CASP5: variants seen among roughly 807,000 people sequenced by gnomAD.
The protein encoded by CASP5 is caspase-5.
A neutral mutation model predicts 45.2 loss-of-function variants in CASP5; 42 were observed. That is an observed-to-expected ratio of 0.93 (90% CI 0.73 to 1.20). The LOEUF (loss-of-function observed/expected upper bound fraction) is 1.20. CASP5 is among the 50% of genes most tolerant of loss of function. CASP5 has a pLI of 0.00. For missense variants in CASP5, 512 were observed against 532.2 expected, an observed-to-expected ratio of 0.96 and a Z score of 0.37; for synonymous variants, 209 against 186.2, an observed-to-expected ratio of 1.12 and a Z score of -1.00.
intron 1 of CASP5, among the ~76,000 whole-genome samples, chr11:105,017,379 A>G (rs181155909): frequency 6.6e-6 from 1 of 152,328 alleles, no homozygotes; most frequent in African/African-American, 2.4e-5. Context: ...AGGACATTCA[A>G]CCAAAGGCAA....
chr11:104,998,749 G>C, intron 7 of CASP5, 136 bp downstream of exon 7: 2 of 811,220 alleles, frequency 2.5e-6, no homozygotes, highest in Non-Finnish European at 3.9e-6. Context: ...GCACACATAA[G>C]ATCATGCAAA....
rs546396346 is a variant in CASP5 at position 105,023,125 on chromosome 11, C to G, written c.7+5G>C. Reference sequence around the variant, plus strand: ...GCTGCTAGTCAGAAAAGGGCCCAGACTCACCAGCCATAGCTAACAGCCTCT... The same window carrying G: ...GCTGCTAGTCAGAAAAGGGCCCAGAGTCACCAGCCATAGCTAACAGCCTCT... On this transcript the variant is annotated splice_donor_5th_base_variant and intron_variant, in intron 1 of 9. Transcript: ENST00000260315. The G allele has an allele frequency of 3.2e-6, 5 of 1,551,092 alleles. No individual in the cohort carries two copies. The highest frequency in any genetic ancestry group is 1.2e-5 in the South Asian group (1 of 84,036).
At chr11:105,013,619 G>T (rs369672837) in intron 1 of CASP5, among the ~76,000 whole-genome samples, 2 of 151,998 alleles carry the variant, frequency 1.3e-5, no homozygotes, top group South Asian at 2.1e-4. Flanking sequence ...AATTCTCATA[G>T]CATCAATTAT....
At chr11:104,996,586 A>T (rs1292321035) in intron 8 of CASP5, among the ~76,000 whole-genome samples, 1 of 152,200 alleles carries the variant, frequency 6.6e-6, no homozygotes, top group Non-Finnish European at 1.5e-5. Flanking sequence ...TTCCCTTAAA[A>T]AGAGAAGGAA....
intron 3 of CASP5, 152 bp downstream of exon 3, chr11:105,006,931 A>G (rs1862025533): frequency 1.4e-6 from 1 of 718,160 alleles, no homozygotes. Context: ...CATAAAAGAC[A>G]AGGTGGTCTC....
Position 105,002,214 on chromosome 11 carries a change from G to A in CASP5, c.544-13C>T. 1.2e-6 allele frequency: 2 copies of A among 1,611,980 alleles called. No individual in the cohort carries two copies. The highest frequency in any genetic ancestry group is 1.1e-5 in the South Asian group (1 of 90,778). On this transcript the variant is annotated splice_polypyrimidine_tract_variant and intron_variant, in intron 4 of 9. Transcript: ENST00000260315. ...TTATTGGATAGATCTGCAGGAGATG[G>A]AGATGAAGCAACTTTGATTACCCGA...
intron 3 of CASP5, among the ~76,000 whole-genome samples, chr11:105,004,332 G>A (rs945675411): frequency 4.6e-5 from 7 of 152,060 alleles, no homozygotes; most frequent in Non-Finnish European, 1.0e-4. Flanking sequence ...CATCTGTTTT[G>A]GATAAGTTTG....
chr11:105,002,807 G>T (rs958280234), intron 4 of CASP5, among the ~76,000 whole-genome samples: 1 of 152,132 alleles, frequency 6.6e-6, no homozygotes, highest in Non-Finnish European at 1.5e-5. Flanking sequence ...ATGAGCACTG[G>T]TATTTGTTTG....
chr11:105,007,149 G>C lies in CASP5; in HGVS notation c.367C>G (p.Arg123Gly). The C allele has an allele frequency of 1.9e-6, 3 of 1,613,584 alleles. No individual in the cohort carries two copies. Among genetic ancestry groups the C allele is most frequent in the Non-Finnish European group, 2.5e-6 (3 of 1,179,562 alleles). ...TGGGTAAACATTTGATGAGCCACGCGATTCTTTCGCAAAGAGTCTACCAAG... is the reference window on the plus strand; with the variant it reads ...TGGGTAAACATTTGATGAGCCACGCCATTCTTTCGCAAAGAGTCTACCAAG... ...LILVDSLRKN[R>G]VAHQMFTQTL... is the part of the protein sequence containing the mutation. Residue 123 changes from arginine to glycine, a missense_variant, in exon 3 of 10, where the codon CGC becomes GGC. Coordinates refer to ENST00000260315, the MANE Select transcript of CASP5 (RefSeq NM_004347.5).
Position 105,019,533 on chromosome 11 carries a change from C to T in CASP5, c.7+3597G>A, listed in dbSNP as rs570615459. 8.1e-4 allele frequency among the ~76,000 whole-genome samples: 123 copies of T among 151,276 alleles called. No homozygotes were observed. In the East Asian group the frequency reaches 0.013, roughly 16 times the overall value. The stretch of plus-strand genomic sequence containing the variant: ...TCAGAGAATACTACAAACACCTCTA[C>T]GCAAATAAACTAGAAAATCTAGAAG... On this transcript the variant is annotated intron_variant, in intron 1 of 9. Coordinates refer to ENST00000260315, the MANE Select transcript of CASP5 (RefSeq NM_004347.5).
chr11:105,008,889 G>A lies in CASP5; in HGVS notation c.99C>T (p.His33=), dbSNP rs776829028. 6.8e-6 allele frequency: 11 copies of A among 1,612,970 alleles called. No individual in the cohort carries two copies. Among genetic ancestry groups the A allele is most frequent in the Non-Finnish European group, 9.3e-6 (11 of 1,179,306 alleles). The change falls in exon 2 of 10, where the codon CAC becomes CAT. Residue 33 remains histidine, a synonymous_variant. Coordinates refer to ENST00000260315, the MANE Select transcript of CASP5 (RefSeq NM_004347.5). ...GTCCAGCCACGTTGTTCTTTAGCAT[G>A]TGGTTTATCACGAAGTTATCCAATC... ...QSGLDNFVIN[H]MLKNNVAGQT...
At chr11:104,999,897 G>C (rs1861641664) in intron 6 of CASP5, among the ~76,000 whole-genome samples, 3 of 152,158 alleles carry the variant, frequency 2.0e-5, no homozygotes, top group South Asian at 2.1e-4. Context: ...TCAGTTTCAA[G>C]TGCAAATTCT....
At position 105,003,333 on chromosome 11, in the gene CASP5, T is replaced by C. The variant is rs769353583; in HGVS notation, c.484A>G (p.Ile162Val). The C allele has an allele frequency of 8.7e-5, 139 of 1,605,960 alleles. No individual in the cohort carries two copies. The highest frequency in any genetic ancestry group is 3.3e-4 in the Middle Eastern group (2 of 6,070). ...GPPESAESTN[I>V]LKLCPREEFL... ...TCTTCACGAGGACAAAGTTTGAGTA[T>C]ATTTGTAGATTCTGCTGACTCAGGT... is the stretch of plus-strand genomic sequence containing the variant. The change falls in exon 4 of 10, where the codon ATA becomes GTA. Residue 162 changes from isoleucine (I) to valine (V), a missense_variant. Physicochemically the swap from Ile to Val is conservative, Grantham distance 29. Coordinates refer to ENST00000260315, the MANE Select transcript of CASP5 (RefSeq NM_004347.5).
chr11:105,019,838 G>C (rs1368448025), intron 1 of CASP5, among the ~76,000 whole-genome samples: 1 of 144,900 alleles, frequency 6.9e-6, no homozygotes, highest in Admixed American at 7.3e-5. Context: ...CCAAAGCCGG[G>C]CAGAGACACA....
chr11:104,999,120 T>G, intron 6 of CASP5, 92 bp from the exon 7 acceptor site: 1 of 1,125,584 alleles, frequency 8.9e-7, no homozygotes, highest in Non-Finnish European at 1.3e-6. Flanking sequence ...TAGTTACGCA[T>G]GTACCATTGT....
chr11:105,018,496 G>A (rs1219570304), intron 1 of CASP5, among the ~76,000 whole-genome samples: 1 of 150,802 alleles, frequency 6.6e-6, no homozygotes, highest in African/African-American at 2.4e-5. Flanking sequence ...AAAGGCAGGG[G>A]TTGCAGTCCT....
intron 1 of CASP5, among the ~76,000 whole-genome samples, chr11:105,021,441 A>G (rs1032210754): frequency 6.7e-6 from 1 of 149,866 alleles, no homozygotes; most frequent in African/African-American, 2.4e-5. Flanking sequence ...AGAATCTACA[A>G]TGAACTCAAA....
At chr11:105,011,631 A>G (rs1431263514) in intron 1 of CASP5, among the ~76,000 whole-genome samples, 1 of 151,796 alleles carries the variant, frequency 6.6e-6, no homozygotes, top group Admixed American at 6.6e-5. Flanking sequence ...ACATGCAAAA[A>G]TTAGTATCAT....
intron 5 of CASP5, 78 bp from the exon 6 acceptor site, chr11:105,000,573 A>G: frequency 7.7e-7 from 1 of 1,303,612 alleles, no homozygotes. Context: ...CATGAGCGAA[A>G]CAAGAAACAT....
Sources: allele counts gnomAD v4.1 joint callset (sites outside exome capture counted in the v4.1 genomes callset), GRCh38; gene constraint gnomAD v4.1.1; transcripts MANE v1.5; gene names NCBI Gene and HGNC (gene_info 2026-07-23, HGNC 2026-07-21).